PTPRR: variants seen among roughly 807,000 people sequenced by gnomAD.
PTPRR encodes protein tyrosine phosphatase receptor type R.
PTPRR carries 38 observed loss-of-function variants against 77.2 expected under a neutral mutation model. That is an observed-to-expected ratio of 0.49 (90% CI 0.38 to 0.65). The LOEUF (loss-of-function observed/expected upper bound fraction) is 0.65. PTPRR is among the 30% of genes least tolerant of loss of function. The pLI is 0.00. For synonymous variants in PTPRR, 299 were observed against 283.1 expected, an observed-to-expected ratio of 1.06 and a Z score of -0.57; for missense variants, 744 against 799.2, an observed-to-expected ratio of 0.93 and a Z score of 0.83.
chr12:70,761,251 A>C (rs1890684240), intron 4 of PTPRR, among the ~76,000 whole-genome samples: 1 of 152,256 alleles, frequency 6.6e-6, no homozygotes, highest in Non-Finnish European at 1.5e-5. Context: ...GGTTTGAAGA[A>C]GAAAAATGCC....
At chr12:70,911,302 T>C (rs1252165224) in intron 1 of PTPRR, among the ~76,000 whole-genome samples, 1 of 152,084 alleles carries the variant, frequency 6.6e-6, no homozygotes, top group Non-Finnish European at 1.5e-5. Flanking sequence ...AGAAGAAGGA[T>C]GGCCAGAGGA....
At chr12:70,893,966 T>A (rs1893381871) in intron 1 of PTPRR, among the ~76,000 whole-genome samples, 1 of 151,890 alleles carries the variant, frequency 6.6e-6, no homozygotes, top group South Asian at 2.1e-4. Context: ...TTGCATTGAA[T>A]AATGGCTTCT....
At chr12:70,702,358 G>T (rs555446837) in intron 6 of PTPRR, among the ~76,000 whole-genome samples, 1 of 152,172 alleles carries the variant, frequency 6.6e-6, no homozygotes, top group South Asian at 2.1e-4. Context: ...TAAAGGGGCC[G>T]TAGGTGTGTG....
At chr12:70,740,905 T>C (rs1212142116) in intron 6 of PTPRR, among the ~76,000 whole-genome samples, 2 of 152,092 alleles carry the variant, frequency 1.3e-5, no homozygotes, top group African/African-American at 2.4e-5. Flanking sequence ...CACACATATA[T>C]ATATATAAAT....
intron 2 of PTPRR, among the ~76,000 whole-genome samples, chr12:70,839,691 C>G (rs1350269092): frequency 6.6e-5 from 10 of 152,234 alleles, no homozygotes; most frequent in East Asian, 1.9e-4. Context: ...TGTGATAAAT[C>G]CAACAGAACC....
At chr12:70,907,358 C>A (rs912363216) in intron 1 of PTPRR, among the ~76,000 whole-genome samples, 7 of 152,118 alleles carry the variant, frequency 4.6e-5, no homozygotes, top group Admixed American at 3.3e-4. Flanking sequence ...CCAAAATATT[C>A]TATTAGGAAA....
intron 2 of PTPRR, chr12:70,788,734 A>G (rs1891372075): frequency 1.1e-6 from 1 of 931,982 alleles, no homozygotes; most frequent in African/African-American, 1.6e-5. Context: ...GAACAGATAT[A>G]GACATAAATC....
At chr12:70,847,520 A>G (rs1892505594) in intron 2 of PTPRR, among the ~76,000 whole-genome samples, 1 of 152,170 alleles carries the variant, frequency 6.6e-6, no homozygotes, top group South Asian at 2.1e-4. Context: ...CTGTGGATGT[A>G]TAATTGCCAC....
chr12:70,907,640 T>A (rs1893641442), intron 1 of PTPRR, among the ~76,000 whole-genome samples: 1 of 152,124 alleles, frequency 6.6e-6, no homozygotes, highest in South Asian at 2.1e-4. Flanking sequence ...ATAATACAAT[T>A]AAAACGGTAC....
At chr12:70,783,427 G>A (rs908902400) in intron 2 of PTPRR, among the ~76,000 whole-genome samples, 1 of 152,062 alleles carries the variant, frequency 6.6e-6, no homozygotes, top group Admixed American at 6.5e-5. Flanking sequence ...AGCAGAGAGG[G>A]TAGCTCCTCT....
chr12:70,842,870 G>T (rs1239274803), intron 2 of PTPRR, among the ~76,000 whole-genome samples: 2 of 152,108 alleles, frequency 1.3e-5, no homozygotes, highest in Admixed American at 6.5e-5. Context: ...ATTTAAAACT[G>T]TTTTGCTTGA....
intron 2 of PTPRR, among the ~76,000 whole-genome samples, chr12:70,816,012 C>T (rs569854748): frequency 2.6e-5 from 4 of 152,234 alleles, no homozygotes; most frequent in Admixed American, 6.5e-5. Context: ...AACACTCTTT[C>T]CTGAGTTATC....
chr12:70,666,889 T>C (rs192192355), intron 10 of PTPRR, among the ~76,000 whole-genome samples: 4 of 150,276 alleles, frequency 2.7e-5, no homozygotes, highest in African/African-American at 2.4e-5. Context: ...AATACTTTTT[T>C]TATGATTCTC....
chr12:70,872,694 C>CA (rs377557224), intron 2 of PTPRR, among the ~76,000 whole-genome samples: 1,435 of 43,358 alleles, frequency 0.033, 144 homozygotes, highest in African/African-American at 0.078. Context: ...GACTCTGTCT[C>CA]AAAAAAAAAA....
chr12:70,672,127 A>C (rs1453296583), intron 10 of PTPRR: 1 of 1,402,980 alleles, frequency 7.1e-7, no homozygotes, highest in African/African-American at 1.4e-5. Flanking sequence ...CACAGTTCCT[A>C]GAGCAGGGAG....
chr12:70,754,742 A>G, intron 4 of PTPRR: 1 of 1,564,136 alleles, frequency 6.4e-7, no homozygotes, highest in Non-Finnish European at 8.6e-7. Flanking sequence ...AAGTGCAAAC[A>G]AAAGCTTGTG....
intron 4 of PTPRR, among the ~76,000 whole-genome samples, chr12:70,754,935 ATTAT>A (rs1460137493): frequency 6.6e-6 from 1 of 152,124 alleles, no homozygotes; most frequent in East Asian, 1.9e-4. Flanking sequence ...AAAGTTCAGA[ATTAT>A]TTGTCAATAA....
At chr12:70,823,667 T>C (rs1892061189) in intron 2 of PTPRR, among the ~76,000 whole-genome samples, 1 of 152,172 alleles carries the variant, frequency 6.6e-6, no homozygotes, top group Non-Finnish European at 1.5e-5. Context: ...ATGGCCTAGT[T>C]CTCTGGAAGA....
At chr12:70,791,156 G>T (rs979922383) in intron 2 of PTPRR, among the ~76,000 whole-genome samples, 7 of 152,114 alleles carry the variant, frequency 4.6e-5, no homozygotes, top group African/African-American at 1.7e-4. Context: ...CCCTCTGGAG[G>T]CTTCTAACTC....
Sources: gnomAD v4.1 joint callset for allele counts (sites outside exome capture counted in the v4.1 genomes callset) on GRCh38, gnomAD v4.1.1 for gene constraint, MANE v1.5 for transcripts, NCBI Gene and HGNC (gene_info 2026-07-23, HGNC 2026-07-21) for gene names.